TMCO5A: variants seen among roughly 807,000 people sequenced by gnomAD.
TMCO5A encodes transmembrane and coiled-coil domains 5A.
A neutral mutation model predicts 42.3 loss-of-function variants in TMCO5A; 34 were observed. The observed-to-expected ratio is 0.80, with a 90% CI of 0.61 to 1.07. The LOEUF (loss-of-function observed/expected upper bound fraction) is 1.07, where lower values mean the gene tolerates loss of function less well. Among genes scored for constraint, TMCO5A ranks in the 50% least tolerant of loss-of-function variants. The pLI, the probability that TMCO5A is intolerant of heterozygous loss-of-function variation, is 0.00. For missense variants in TMCO5A, 357 were observed against 327.9 expected, an observed-to-expected ratio of 1.09 and a Z score of -0.69; for synonymous variants, 131 against 115.6, an observed-to-expected ratio of 1.13 and a Z score of -0.86.
chr15:38,013,722 T>C, the TMCO5A span, among the ~76,000 whole-genome samples: 1 of 152,232 alleles, frequency 6.6e-6, no homozygotes, highest in African/African-American at 2.4e-5. Context: ...AATAATTTTT[T>C]CTATTTTATT....
At chr15:38,035,482 T>C in the TMCO5A span, among the ~76,000 whole-genome samples, 1 of 152,158 alleles carries the variant, frequency 6.6e-6, no homozygotes, top group Non-Finnish European at 1.5e-5. Context: ...AATAAGAACT[T>C]ACACAAAAGT....
At chr15:37,961,486 A>T (rs1398620588) in intron 11 of TMCO5A, among the ~76,000 whole-genome samples, 2 of 151,574 alleles carry the variant, frequency 1.3e-5, no homozygotes, top group African/African-American at 2.4e-5. Flanking sequence ...ATGCCTCCAG[A>T]TTTGTTCTTT....
chr15:37,994,948 C>A, the TMCO5A span, among the ~76,000 whole-genome samples: 2 of 152,170 alleles, frequency 1.3e-5, no homozygotes, highest in Non-Finnish European at 2.9e-5. Context: ...CAGATTTCTA[C>A]AATTTCAGAT....
At chr15:38,016,273 G>A in the TMCO5A span, among the ~76,000 whole-genome samples, 1 of 152,136 alleles carries the variant, frequency 6.6e-6, no homozygotes, top group African/African-American at 2.4e-5. Flanking sequence ...AATGAAAAAG[G>A]AATTTATATT....
At chr15:37,939,894 T>C (rs946962401) in intron 6 of TMCO5A, among the ~76,000 whole-genome samples, 1 of 151,942 alleles carries the variant, frequency 6.6e-6, no homozygotes, top group African/African-American at 2.4e-5. Flanking sequence ...GAACCAACTC[T>C]CAGAAGAATC....
intron 11 of TMCO5A, among the ~76,000 whole-genome samples, chr15:37,958,215 G>A (rs1434691498): frequency 1.3e-5 from 2 of 152,018 alleles, no homozygotes; most frequent in Non-Finnish European, 2.9e-5. Context: ...AAAAGCAAAG[G>A]CAACAAAAAC....
At chr15:37,949,828 A>G (rs1178602976) in intron 11 of TMCO5A, among the ~76,000 whole-genome samples, 1 of 152,220 alleles carries the variant, frequency 6.6e-6, no homozygotes, top group Non-Finnish European at 1.5e-5. Context: ...TCTGTGGGCC[A>G]AGTGGTACTA....
At chr15:38,000,598 T>C in the TMCO5A span, among the ~76,000 whole-genome samples, 1 of 152,148 alleles carries the variant, frequency 6.6e-6, no homozygotes, top group Non-Finnish European at 1.5e-5. Context: ...TTAAAATGTA[T>C]AATTGTGTTA....
the TMCO5A span, among the ~76,000 whole-genome samples, chr15:38,017,236 A>C: frequency 2.0e-5 from 3 of 152,220 alleles, no homozygotes; most frequent in African/African-American, 7.2e-5. Context: ...TTAATTTATA[A>C]GTTAATTGCC....
the TMCO5A span, among the ~76,000 whole-genome samples, chr15:38,003,222 GTCTCTCTCTCTC>G: frequency 1.4e-5 from 2 of 147,158 alleles, no homozygotes; most frequent in Middle Eastern, 3.5e-3. Flanking sequence ...CCCAAACAGA[GTCTCTCTCTCTC>G]TCTCTCTCTC....
the TMCO5A span, among the ~76,000 whole-genome samples, chr15:37,985,718 A>G: frequency 3.0e-4 from 45 of 152,110 alleles, no homozygotes; most frequent in South Asian, 2.1e-4. Context: ...CTCCATTCTG[A>G]TGCAAGTAGA....
chr15:37,993,944 G>T, the TMCO5A span, among the ~76,000 whole-genome samples: 2 of 152,192 alleles, frequency 1.3e-5, no homozygotes, highest in Non-Finnish European at 2.9e-5. Context: ...ACAGATTCTA[G>T]ATCAGACAGG....
At chr15:37,952,845 T>C (rs937755982), downstream of TMCO5A, among the ~76,000 whole-genome samples, 4 of 152,106 alleles carry the variant, frequency 2.6e-5, no homozygotes, top group African/African-American at 9.7e-5. Flanking sequence ...GAAGGGCAAG[T>C]CCCAGGCCAG....
the TMCO5A span, chr15:38,040,105 C>T: frequency 7.2e-5 from 11 of 152,362 alleles, no homozygotes; most frequent in Non-Finnish European, 1.2e-4. Context: ...TTCATCAAGG[C>T]ACAAGGAGAG....
At chr15:38,005,293 A>G in the TMCO5A span, among the ~76,000 whole-genome samples, 8 of 149,542 alleles carry the variant, frequency 5.3e-5, 1 homozygote, top group East Asian at 1.6e-3. Flanking sequence ...AGGAAACACC[A>G]GACTGAGCAC....
chr15:37,970,073 GT>G (rs1890646515), downstream of TMCO5A, among the ~76,000 whole-genome samples: 1 of 152,144 alleles, frequency 6.6e-6, no homozygotes, highest in Non-Finnish European at 1.5e-5. Context: ...GGTTAATTCT[GT>G]TTTAAGTTCT....
In TMCO5A at chr15:37,934,656, G is replaced by A. The variant is rs1889451756; in HGVS notation, c.-141G>A. ...AGACTCCTCAGAAGCTAATTGACTA[G>A]GGAAGGATCAGGAAGACAAGACACA... On this transcript the variant is annotated 5_prime_UTR_variant, in exon 1 of 12. Transcript: ENST00000319669. The A allele has an allele frequency of 6.6e-6, 1 of 152,012 alleles. No homozygotes were observed. The highest frequency in any genetic ancestry group is 2.1e-4 in the South Asian group (1 of 4,816). The allele number at this position is 152,012 out of a possible 1,614,324, so 9.4% of individuals were successfully genotyped here. A position where few individuals can be genotyped will look rare whatever the true frequency, so the allele number is the denominator to read the frequency against.
At chr15:38,014,429 C>G in the TMCO5A span, among the ~76,000 whole-genome samples, 1 of 152,030 alleles carries the variant, frequency 6.6e-6, no homozygotes. Flanking sequence ...ATTTTGTTTC[C>G]TCAACTTTAA....
intron 11 of TMCO5A, among the ~76,000 whole-genome samples, chr15:37,964,859 T>C (rs575087376): frequency 5.3e-5 from 8 of 152,252 alleles, no homozygotes; most frequent in Non-Finnish European, 8.8e-5. Flanking sequence ...ACAGATTTAG[T>C]GCAATTTTTA....
Sources: gnomAD v4.1 joint callset for allele counts (sites outside exome capture counted in the v4.1 genomes callset) on GRCh38, gnomAD v4.1.1 for gene constraint, MANE v1.5 for transcripts, NCBI Gene and HGNC (gene_info 2026-07-23, HGNC 2026-07-21) for gene names.